FBXL4: variants seen among roughly 807,000 people sequenced by gnomAD.
The protein encoded by FBXL4 is F-box/LRR-repeat protein 4.
Under a neutral mutation model 58.9 loss-of-function variants are expected in FBXL4, and 40 were observed. That is an observed-to-expected ratio of 0.68 (90% CI 0.53 to 0.88). FBXL4 has a LOEUF of 0.88. Ranked by LOEUF, FBXL4 falls within the 40% of genes least tolerant of loss-of-function variation. FBXL4 has a pLI of 0.00. For synonymous variants in FBXL4, 263 were observed against 265.5 expected (o/e 0.99, Z 0.09); for missense variants, 676 against 734.4 (o/e 0.92, Z 0.92).
chr6:98,875,939 G>A (rs1770647754), intron 8 of FBXL4, among the ~76,000 whole-genome samples: 1 of 152,118 alleles, frequency 6.6e-6, no homozygotes, highest in Non-Finnish European at 1.5e-5. Context: ...ATCCATTTAA[G>A]AGCACTCCAG....
At chr6:98,884,729 A>C (rs534870073) in intron 7 of FBXL4, among the ~76,000 whole-genome samples, 28 of 152,198 alleles carry the variant, frequency 1.8e-4, no homozygotes, top group Non-Finnish European at 3.4e-4. Flanking sequence ...GAAGACTCAT[A>C]TCTCTCTTCA....
Position 98,875,599 on chromosome 6 carries a change from T to C in FBXL4, c.1518A>G (p.Leu506=), listed in dbSNP as rs556881504. The change falls in exon 9 of 10, where the codon CTA becomes CTG. Residue 506 remains leucine, a synonymous_variant. Transcript: ENST00000369244. ...ACCAGCCAAGGTCAAGCTCCTCCAG[T>C]AGTGGACACCCAGAAGCCAGTTCTG... ...GIAELASGCP[L]LEELDLGWCP... is the part of the protein sequence containing the mutation. 1.9e-6 allele frequency: 3 copies of C among 1,614,174 alleles called. No individual in the cohort carries two copies. Among genetic ancestry groups the C allele is most frequent in the East Asian group, 2.2e-5 (1 of 44,876 alleles).
chr6:98,869,512 C>T lies in FBXL4; in HGVS notation c.*4766G>A, dbSNP rs762876419. 3 of 152,242 alleles carry T rather than the reference C, an allele frequency of 2.0e-5. No homozygotes were observed. Among genetic ancestry groups the T allele is most frequent in the Non-Finnish European group, 2.9e-5 (2 of 68,180 alleles). The allele number at this position is 152,242 out of a possible 1,614,324, so 9.4% of individuals were successfully genotyped here. A position where few individuals can be genotyped will look rare whatever the true frequency, so the allele number is the denominator to read the frequency against. On this transcript the variant is annotated 3_prime_UTR_variant, in exon 10 of 10. Coordinates refer to ENST00000369244, the MANE Select transcript of FBXL4 (RefSeq NM_001278716.2). ...GCCAGGTGTGGTGGTGTCTGTAGTC[C>T]CAGGTACTCGGGAGGCCGAGGTGGG...
At chr6:98,921,572 C>A (rs1465254189) in intron 4 of FBXL4, among the ~76,000 whole-genome samples, 2 of 152,024 alleles carry the variant, frequency 1.3e-5, no homozygotes, top group African/African-American at 4.8e-5. Context: ...AACTAATAAA[C>A]TAGCATGTGC....
chr6:98,938,162 T>C (rs957068154), intron 1 of FBXL4, among the ~76,000 whole-genome samples: 5 of 152,092 alleles, frequency 3.3e-5, no homozygotes, highest in Admixed American at 6.5e-5. Flanking sequence ...TTTCTTATTG[T>C]TTGAGTCTTG....
intron 5 of FBXL4, among the ~76,000 whole-genome samples, chr6:98,911,049 C>T (rs926855094): frequency 1.1e-3 from 73 of 63,696 alleles, no homozygotes; most frequent in African/African-American, 4.4e-3. Flanking sequence ...CTCGGAGGGT[C>T]CTACGCCCAC....
Position 98,917,641 on chromosome 6 carries a change from C to A in FBXL4, c.591G>T (p.Gln197His). ...QARQFKPCIK[Q>H]INFPTNLIRL... is the part of the protein sequence containing the mutation. ...GTATAAGATTTGTGGGGAAATTTAT[C>A]TGCTTAATACAAGGTTTAAACTGGC... Residue 197 changes from glutamine to histidine, a missense_variant, in exon 5 of 10, where the codon CAG becomes CAT. Transcript: ENST00000369244. The A allele has an allele frequency of 6.2e-7, 1 of 1,613,928 alleles. No individual in the cohort carries two copies. Among genetic ancestry groups the A allele is most frequent in the East Asian group, 2.2e-5 (1 of 44,868 alleles).
chr6:98,906,638 G>A (rs1350604226), intron 5 of FBXL4, among the ~76,000 whole-genome samples: 1 of 152,174 alleles, frequency 6.6e-6, no homozygotes, highest in Non-Finnish European at 1.5e-5. Context: ...ACATACATGT[G>A]CATATGTCCT....
At chr6:98,931,117 C>G (rs898811008) in intron 2 of FBXL4, among the ~76,000 whole-genome samples, 1 of 152,208 alleles carries the variant, frequency 6.6e-6, no homozygotes, top group Non-Finnish European at 1.5e-5. Context: ...ACTTCTCACT[C>G]CACGGTCTAT....
chr6:98,910,731 T>C (rs564415571), intron 5 of FBXL4, among the ~76,000 whole-genome samples: 1 of 151,992 alleles, frequency 6.6e-6, no homozygotes, highest in East Asian at 1.9e-4. Flanking sequence ...CTCGAGTCTA[T>C]AGGTCCCAGC....
chr6:98,943,889 T>C (rs1773526217), intron 1 of FBXL4, among the ~76,000 whole-genome samples: 1 of 152,190 alleles, frequency 6.6e-6, no homozygotes, highest in African/African-American at 2.4e-5. Flanking sequence ...TAAGAACAAT[T>C]ACACATATTA....
chr6:98,941,830 G>C (rs553934881), intron 1 of FBXL4, among the ~76,000 whole-genome samples: 1 of 152,228 alleles, frequency 6.6e-6, no homozygotes, highest in African/African-American at 2.4e-5. Context: ...TGGCATTCAG[G>C]AAAAGTTAAA....
chr6:98,935,527 C>T (rs985347841), intron 1 of FBXL4, among the ~76,000 whole-genome samples: 2 of 151,992 alleles, frequency 1.3e-5, no homozygotes, highest in Admixed American at 6.6e-5. Flanking sequence ...CGGTGGCTCA[C>T]GCCTGTAATC....
intron 7 of FBXL4, among the ~76,000 whole-genome samples, chr6:98,890,125 T>G (rs1771173478): frequency 6.6e-6 from 1 of 152,210 alleles, no homozygotes; most frequent in Non-Finnish European, 1.5e-5. Flanking sequence ...AGTTTTTAGC[T>G]GTTACAACTA....
At chr6:98,913,541 T>G (rs528292020) in intron 5 of FBXL4, among the ~76,000 whole-genome samples, 328 of 152,242 alleles carry the variant, frequency 2.2e-3, no homozygotes, top group Middle Eastern at 0.01. Flanking sequence ...ACATGGAAAC[T>G]GAACAACCTG....
chr6:98,874,284 A>G lies in FBXL4; in HGVS notation c.1860T>C (p.Thr620=). The G allele has an allele frequency of 6.3e-7, 1 of 1,590,728 alleles. No individual in the cohort carries two copies. Among genetic ancestry groups the G allele is most frequent in the Non-Finnish European group, 8.5e-7 (1 of 1,173,420 alleles). ...ATACAGAACATATATTAAGTCACTG[A>G]GTAAAGCTCTTTTTTATGAACACTT... ...FPKVFIKKSF[T]Q is the part of the protein sequence containing the mutation. The change falls in exon 10 of 10, where the codon ACT becomes ACC. Residue 620 remains threonine (T), a synonymous_variant. Coordinates refer to ENST00000369244, the MANE Select transcript of FBXL4 (RefSeq NM_001278716.2).
chr6:98,874,524 T>C (rs1322914546), intron 9 of FBXL4, 83 bp from the exon 10 acceptor site: 1 of 1,373,700 alleles, frequency 7.3e-7, no homozygotes, highest in Non-Finnish European at 9.8e-7. Context: ...AATCCATCCA[T>C]GATTTATTGT....
chr6:98,874,823 G>C (rs1770595781), intron 9 of FBXL4, among the ~76,000 whole-genome samples: 1 of 152,160 alleles, frequency 6.6e-6, no homozygotes, highest in Non-Finnish European at 1.5e-5. Flanking sequence ...AGTATCAATT[G>C]TGTGGACAAT....
rs1358517736 is a variant in FBXL4, at chr6:98,870,096, T to C, written c.*4182A>G. On this transcript the variant is annotated 3_prime_UTR_variant, in exon 10 of 10. Coordinates refer to ENST00000369244, the MANE Select transcript of FBXL4 (RefSeq NM_001278716.2). ...TAAATATCTTTCTTGTCTACACATC[T>C]TTCTTGTTATGGTAAACATTTTGTT... The C allele has an allele frequency of 6.6e-6, 1 of 152,240 alleles. No homozygotes were observed. The highest frequency in any genetic ancestry group is 1.5e-5 in the Non-Finnish European group (1 of 68,036). The allele number at this position is 152,240 out of a possible 1,614,324, so 9.4% of individuals were successfully genotyped here. A position where few individuals can be genotyped will look rare whatever the true frequency, so the allele number is the denominator to read the frequency against.
Sources: allele counts gnomAD v4.1 joint callset (sites outside exome capture counted in the v4.1 genomes callset), GRCh38; gene constraint gnomAD v4.1.1; transcripts MANE v1.5; gene names NCBI Gene and HGNC (gene_info 2026-07-23, HGNC 2026-07-21).